Variants in THNSL1 observed in about 807,000 individuals in gnomAD.
The protein encoded by THNSL1 is threonine synthase-like 1.
In THNSL1, 48 loss-of-function variants were observed where a neutral mutation model predicts 50.4. That is an observed-to-expected ratio of 0.95 (90% CI 0.76 to 1.21). The LOEUF (loss-of-function observed/expected upper bound fraction) is 1.21. Among genes scored for constraint, THNSL1 ranks in the 50% most tolerant of loss-of-function variants. The pLI, the probability that THNSL1 is intolerant of heterozygous loss-of-function variation, is 0.00. For missense variants in THNSL1, 896 were observed against 871.7 expected, an observed-to-expected ratio of 1.03 and a Z score of -0.35; for synonymous variants, 309 against 306.1, an observed-to-expected ratio of 1.01 and a Z score of -0.10.
At chr10:24,960,826 G>A in the THNSL1 span, among the ~76,000 whole-genome samples, 2 of 152,070 alleles carry the variant, frequency 1.3e-5, no homozygotes, top group Non-Finnish European at 2.9e-5. Flanking sequence ...CTGGGCTCAA[G>A]CCATCCTCCC....
At chr10:25,018,154 CTG>C (rs1850646494) in intron 1 of THNSL1, among the ~76,000 whole-genome samples, 1 of 152,206 alleles carries the variant, frequency 6.6e-6, no homozygotes, top group Non-Finnish European at 1.5e-5. Context: ...CAAGACCTCA[CTG>C]TGGTATAGTT....
the THNSL1 span, among the ~76,000 whole-genome samples, chr10:24,986,126 C>T: frequency 0.013 from 1,964 of 152,284 alleles, 57 homozygotes; most frequent in African/African-American, 0.045. Flanking sequence ...AAAACATGGT[C>T]TTTGAAAACT....
At position 25,026,498 on chromosome 10, in the gene THNSL1, G is replaced by C. The variant is rs1003029923; in HGVS notation, c.*1043G>C. On this transcript the variant is annotated 3_prime_UTR_variant, in exon 3 of 3. Coordinates refer to ENST00000376356, the MANE Select transcript of THNSL1 (RefSeq NM_024838.5). ...TTTGGAGTCAATTCTTACGTAATTT[G>C]TTGTTTATTTCTTCAGTGAACATTG... 2 of 166,996 alleles carry C rather than the reference G, an allele frequency of 1.2e-5. No individual in the cohort carries two copies. Among genetic ancestry groups the C allele is most frequent in the African/African-American group, 4.8e-5 (2 of 41,458 alleles). The allele number at this position is 166,996 out of a possible 1,614,324, so 10.3% of individuals were successfully genotyped here. A position where few individuals can be genotyped will look rare whatever the true frequency, so the allele number is the denominator to read the frequency against.
the THNSL1 span, among the ~76,000 whole-genome samples, chr10:24,961,319 A>G: frequency 2.6e-5 from 4 of 152,336 alleles, no homozygotes; most frequent in East Asian, 7.7e-4. Flanking sequence ...TAGCAATGCC[A>G]TCACTTATTT....
chr10:24,987,306 G>T, the THNSL1 span, among the ~76,000 whole-genome samples: 1 of 152,056 alleles, frequency 6.6e-6, no homozygotes, highest in African/African-American at 2.4e-5. Context: ...CTTCTTGTTG[G>T]TTCCCTTAAC....
At position 25,024,787 on chromosome 10, in the gene THNSL1, A is replaced by G; in HGVS notation, c.1564A>G (p.Met522Val). Residue 522 changes from methionine to valine, a missense_variant, in exon 3 of 3, where the codon ATG becomes GTG. Physicochemically the swap from Met to Val is conservative, Grantham distance 21. Coordinates refer to ENST00000376356, the MANE Select transcript of THNSL1 (RefSeq NM_024838.5). The part of the protein sequence containing the change: ...GNILAAVYAK[M>V]MGIPIRKFIC... ...CATTTTAGCAGCAGTGTATGCCAAA[A>G]TGATGGGAATCCCGATTCGAAAATT... is the stretch of plus-strand genomic sequence containing the variant. 2 of 1,614,208 alleles carry G rather than the reference A, an allele frequency of 1.2e-6. No homozygotes were observed. Among genetic ancestry groups the G allele is most frequent in the Non-Finnish European group, 1.7e-6 (2 of 1,180,030 alleles).
chr10:25,018,661 T>TG (rs1564347083), intron 1 of THNSL1, among the ~76,000 whole-genome samples: 1 of 128,084 alleles, frequency 7.8e-6, no homozygotes, highest in African/African-American at 2.8e-5. Flanking sequence ...TGAGAGTTGT[T>TG]TTTTTTTTTT....
chr10:25,011,852 G>C (rs1850452972), upstream of THNSL1, among the ~76,000 whole-genome samples: 1 of 152,206 alleles, frequency 6.6e-6, no homozygotes, highest in South Asian at 2.1e-4. Flanking sequence ...GCAGAAATTT[G>C]CATAAGGAGA....
At chr10:25,003,158 T>A in the THNSL1 span, among the ~76,000 whole-genome samples, 1 of 142,294 alleles carries the variant, frequency 7.0e-6, no homozygotes, top group Non-Finnish European at 1.6e-5. Flanking sequence ...TCAGTGTTTC[T>A]TTAATTAATT....
intron 1 of THNSL1, among the ~76,000 whole-genome samples, chr10:25,017,116 T>C (rs1850614667): frequency 6.6e-6 from 1 of 152,182 alleles, no homozygotes; most frequent in Admixed American, 6.5e-5. Flanking sequence ...TCTAGGTCGT[T>C]CTCCAGGAAC....
chr10:24,955,232 A>G, the THNSL1 span, among the ~76,000 whole-genome samples: 1 of 152,146 alleles, frequency 6.6e-6, no homozygotes, highest in Admixed American at 6.5e-5. Flanking sequence ...CGAGAACAAT[A>G]TGGGAGAAAT....
At chr10:25,000,694 T>C in the THNSL1 span, among the ~76,000 whole-genome samples, 1 of 152,030 alleles carries the variant, frequency 6.6e-6, no homozygotes, top group Non-Finnish European at 1.5e-5. Context: ...CTTGTTGGAG[T>C]TTTCCTATAG....
chr10:24,953,565 C>A, the THNSL1 span: 1 of 152,302 alleles, frequency 6.6e-6, no homozygotes, highest in African/African-American at 2.4e-5. Flanking sequence ...CATGCCTATG[C>A]TCCGGTTCTT....
At chr10:24,973,752 A>G in the THNSL1 span, among the ~76,000 whole-genome samples, 1 of 151,948 alleles carries the variant, frequency 6.6e-6, no homozygotes, top group Non-Finnish European at 1.5e-5. Flanking sequence ...TAAGATAATG[A>G]TAACTCATTT....
chr10:24,990,575 C>T, the THNSL1 span: 38 of 1,612,888 alleles, frequency 2.4e-5, no homozygotes, highest in Non-Finnish European at 2.6e-5. Flanking sequence ...TTCCTCGTTT[C>T]GCTTACATAT....
chr10:24,972,833 A>T, the THNSL1 span, among the ~76,000 whole-genome samples: 1 of 152,202 alleles, frequency 6.6e-6, no homozygotes, highest in African/African-American at 2.4e-5. Context: ...AGCTATGAAT[A>T]TAAGGATATT....
rs147597520 is a variant in THNSL1, at chr10:25,026,263, T to C, written c.*808T>C. The C allele has an allele frequency of 1.9e-3, 321 of 167,038 alleles. 1 individual carries two copies. Among genetic ancestry groups the C allele is most frequent in the African/African-American group, 6.9e-3 (288 of 41,602 alleles). 10.3% of individuals were successfully genotyped at this position (167,038 alleles called of 1,614,324 possible). ...CACACTGTCCAAATTAAAGATGTAC[T>C]CTGTCCTTCACTCTCCTTTGGATGT... On this transcript the variant is annotated 3_prime_UTR_variant, in exon 3 of 3. Coordinates refer to ENST00000376356, the MANE Select transcript of THNSL1 (RefSeq NM_024838.5).
the THNSL1 span, among the ~76,000 whole-genome samples, chr10:24,955,308 A>G: frequency 3.9e-5 from 6 of 152,356 alleles, no homozygotes; most frequent in African/African-American, 9.6e-5. Context: ...ACAATTCAAC[A>G]TGAGATTTGG....
chr10:25,024,167 A>C lies in THNSL1; in HGVS notation c.944A>C (p.Glu315Ala), dbSNP rs1036998726. 6.2e-7 allele frequency: 1 copy of C among 1,614,082 alleles called. No individual in the cohort carries two copies. The highest frequency in any genetic ancestry group is 8.5e-7 in the Non-Finnish European group (1 of 1,180,032). ...IPAARLGEMI[E>A]TAYGENFACS... ...GCTGCCAGGTTGGGAGAAATGATTG[A>C]AACTGCTTATGGGGAAAACTTTGCC... Residue 315 changes from glutamate to alanine, a missense_variant, in exon 3 of 3, where the codon GAA becomes GCA. Glu to Ala is a moderately radical substitution (Grantham distance 107). Coordinates refer to ENST00000376356, the MANE Select transcript of THNSL1 (RefSeq NM_024838.5).
Sources: gnomAD v4.1 joint callset for allele counts (sites outside exome capture counted in the v4.1 genomes callset) on GRCh38, gnomAD v4.1.1 for gene constraint, MANE v1.5 for transcripts, NCBI Gene and HGNC (gene_info 2026-07-23, HGNC 2026-07-21) for gene names.